PCDH11X: variants seen among roughly 807,000 people sequenced by gnomAD.
PCDH11X encodes the protein protocadherin-11 X-linked.
In PCDH11X, 18 loss-of-function variants were observed where a neutral mutation model predicts 53.3. The observed-to-expected ratio is 0.34, with a 90% CI of 0.23 to 0.50. The LOEUF (loss-of-function observed/expected upper bound fraction) is 0.50, where lower values mean the gene tolerates loss of function less well. PCDH11X is among the 20% of genes least tolerant of loss of function. PCDH11X has a pLI of 0.98. For missense variants in PCDH11X, 570 were observed against 1,032.4 expected (o/e 0.55, Z 6.14); for synonymous variants, 279 against 393.3 (o/e 0.71, Z 3.44).
intron 9 of PCDH11X, among the ~76,000 whole-genome samples, chrX:92,465,145 T>C (rs1474880745): frequency 6.3e-5 from 7 of 111,159 alleles, no homozygotes; most frequent in African/African-American, 2.3e-4. Flanking sequence ...AGAACATGTC[T>C]CTTAAAGAAA....
rs190623687 is a variant in PCDH11X at position 92,194,409 on chromosome X, G to A, written c.3034-6966G>A. Among the ~76,000 whole-genome samples, 5 of 111,314 alleles carry A rather than the reference G, an allele frequency of 4.5e-5. No homozygotes were observed. In the Admixed American group the frequency reaches 4.8e-4, roughly 11 times the overall value. ...ACTCATAATTCATAACTCTTCCACT[G>A]AATATTTGAAGCCCATAAATCCAAT... is the stretch of plus-strand genomic sequence containing the variant. On this transcript the variant is annotated intron_variant, in intron 6 of 10. Transcript: ENST00000682573.
At position 92,551,006 on chromosome X, in the gene PCDH11X, C is replaced by T. The variant is rs182971599; in HGVS notation, c.3368-67258C>T. On this transcript the variant is annotated intron_variant, in intron 10 of 10. Coordinates refer to ENST00000682573, the MANE Select transcript of PCDH11X (RefSeq NM_032968.5). Reference sequence around the variant, plus strand: ...CATCTGTTGATGGAAACTTAGGTTGCTTACAAATCTTAGCTACTGTGAACA... The same window carrying T: ...CATCTGTTGATGGAAACTTAGGTTGTTTACAAATCTTAGCTACTGTGAACA... Among the ~76,000 whole-genome samples the T allele has an allele frequency of 1.8e-4, 20 of 111,194 alleles. No individual in the cohort carries two copies. The East Asian group carries it at 5.4e-3, about 30-fold the overall frequency.
intron 10 of PCDH11X, among the ~76,000 whole-genome samples, chrX:92,581,639 T>C (rs1311238780): frequency 1.8e-5 from 2 of 111,921 alleles, no homozygotes; most frequent in Admixed American, 9.5e-5. Flanking sequence ...AACGAACTAA[T>C]ACAGTAAATT....
At chrX:92,132,468 C>T (rs1359082704) in intron 6 of PCDH11X, among the ~76,000 whole-genome samples, 6 of 102,268 alleles carry the variant, frequency 5.9e-5, no homozygotes, top group Non-Finnish European at 7.9e-5. Flanking sequence ...ATTAGCTGGG[C>T]GTGGTAGTGT....
intron 7 of PCDH11X, among the ~76,000 whole-genome samples, chrX:92,227,847 T>A (rs2066997799): frequency 9.0e-6 from 1 of 111,426 alleles, no homozygotes; most frequent in African/African-American, 3.3e-5. Flanking sequence ...ATAATGAACA[T>A]GAGGAACATT....
At chrX:92,593,196 G>T (rs1221585198) in intron 10 of PCDH11X, among the ~76,000 whole-genome samples, 1 of 110,812 alleles carries the variant, frequency 9.0e-6, no homozygotes, top group Admixed American at 9.6e-5. Flanking sequence ...GTAATAAACG[G>T]CTTCTATGAC....
intron 6 of PCDH11X, among the ~76,000 whole-genome samples, chrX:91,901,860 T>C (rs1014434529): frequency 9.0e-6 from 1 of 111,501 alleles, no homozygotes; most frequent in Admixed American, 9.6e-5. Flanking sequence ...TACAAGACAG[T>C]ATGGGAATAA....
intron 10 of PCDH11X, among the ~76,000 whole-genome samples, chrX:92,602,698 A>G (rs924227652): frequency 2.1e-5 from 2 of 96,669 alleles, no homozygotes; most frequent in Admixed American, 1.1e-4. Flanking sequence ...AACACATTCA[A>G]TGGGATATAG....
intron 9 of PCDH11X, among the ~76,000 whole-genome samples, chrX:92,389,138 T>C (rs1353601773): frequency 3.0e-5 from 3 of 99,790 alleles, no homozygotes; most frequent in Non-Finnish European, 4.1e-5. Context: ...AAATCTACTA[T>C]CTCCATTTTC....
chrX:92,248,590 A>G (rs2067396665), intron 7 of PCDH11X, among the ~76,000 whole-genome samples: 2 of 111,928 alleles, frequency 1.8e-5, no homozygotes, highest in Admixed American at 1.9e-4. Context: ...GGAACATTCC[A>G]AATCTTCTAG....
intron 6 of PCDH11X, among the ~76,000 whole-genome samples, chrX:91,971,434 A>T (rs1245582110): frequency 1.8e-5 from 2 of 108,331 alleles, no homozygotes; most frequent in African/African-American, 6.8e-5. Flanking sequence ...TAAGCTCTAA[A>T]CCAGGGAACT....
At chrX:92,524,667 A>G (rs1394570738) in intron 10 of PCDH11X, among the ~76,000 whole-genome samples, 1 of 109,977 alleles carries the variant, frequency 9.1e-6, no homozygotes, top group Non-Finnish European at 1.9e-5. Flanking sequence ...TTACTACTTA[A>G]ATTTATCATC....
At chrX:92,148,380 G>A (rs747682865) in intron 6 of PCDH11X, among the ~76,000 whole-genome samples, 55 of 103,818 alleles carry the variant, frequency 5.3e-4, no homozygotes, top group East Asian at 3.6e-3. Flanking sequence ...GGCATGCGCC[G>A]CCACACCCAG....
chrX:91,968,265 T>C (rs1221356536), intron 6 of PCDH11X, among the ~76,000 whole-genome samples: 1 of 111,510 alleles, frequency 9.0e-6, no homozygotes, highest in African/African-American at 3.3e-5. Context: ...TGTTTTAATA[T>C]TTTTTTCAAT....
chrX:92,411,973 A>AGGAGGAGG (rs1927109998), intron 9 of PCDH11X, among the ~76,000 whole-genome samples: 11 of 7,101 alleles, frequency 1.5e-3, no homozygotes, highest in African/African-American at 3.0e-3. Context: ...GGAGGAGGGA[A>AGGAGGAGG]GAAGAAGAAG....
At chrX:91,821,165 T>C (rs1381922544) in intron 4 of PCDH11X, among the ~76,000 whole-genome samples, 1 of 108,654 alleles carries the variant, frequency 9.2e-6, no homozygotes, top group African/African-American at 3.5e-5. Flanking sequence ...GGCTCTTTTT[T>C]GGTTCCATAT....
intron 6 of PCDH11X, among the ~76,000 whole-genome samples, chrX:92,108,515 T>TA (rs36074772): frequency 1.5e-4 from 16 of 105,623 alleles, no homozygotes; most frequent in Middle Eastern, 4.8e-3. Context: ...TCAATATGAT[T>TA]AAAAAAAAAA....
intron 6 of PCDH11X, among the ~76,000 whole-genome samples, chrX:92,135,177 A>C (rs1382396980): frequency 9.0e-6 from 1 of 111,524 alleles, no homozygotes; most frequent in Non-Finnish European, 1.9e-5. Context: ...TTTACTATGA[A>C]CTAATGAAAC....
chrX:92,191,978 G>A (rs1279793748), intron 6 of PCDH11X, among the ~76,000 whole-genome samples: 1 of 111,794 alleles, frequency 8.9e-6, no homozygotes, highest in Non-Finnish European at 1.9e-5. Flanking sequence ...CTTGATCTAA[G>A]TGAATACATA....
Sources: gnomAD v4.1 joint callset for allele counts (sites outside exome capture counted in the v4.1 genomes callset) on GRCh38, gnomAD v4.1.1 for gene constraint, MANE v1.5 for transcripts, NCBI Gene and HGNC (gene_info 2026-07-23, HGNC 2026-07-21) for gene names.